ATP2C1: variants seen among roughly 807,000 people sequenced by gnomAD.
ATP2C1 encodes the protein calcium-transporting ATPase type 2C member 1.
A neutral mutation model predicts 120.5 loss-of-function variants in ATP2C1; 31 were observed. The observed-to-expected ratio is 0.26, with a 90% CI of 0.19 to 0.35. The LOEUF is 0.35. Ranked by LOEUF, ATP2C1 falls within the 10% of genes least tolerant of loss-of-function variation. ATP2C1 has a pLI of 1.00. For synonymous variants in ATP2C1, 351 were observed against 358.7 expected, an observed-to-expected ratio of 0.98 and a Z score of 0.24; for missense variants, 731 against 1,107.5, an observed-to-expected ratio of 0.66 and a Z score of 4.83.
chr3:130,990,213 C>T (rs918613291), intron 20 of ATP2C1, among the ~76,000 whole-genome samples: 4 of 150,304 alleles, frequency 2.7e-5, no homozygotes, highest in African/African-American at 7.3e-5. Flanking sequence ...ACAAAAATCT[C>T]TGGCTTCATG....
intron 12 of ATP2C1, among the ~76,000 whole-genome samples, chr3:130,962,431 T>C (rs965298196): frequency 5.9e-5 from 9 of 151,840 alleles, no homozygotes; most frequent in African/African-American, 2.2e-4. Flanking sequence ...TTTTTTGAAA[T>C]CTGAAATCAA....
At position 130,994,237 on chromosome 3, in the gene ATP2C1, C is replaced by G. The variant is rs1348575441; in HGVS notation, c.2057+139C>G. 3 of 980,210 alleles carry G rather than the reference C, an allele frequency of 3.1e-6. No individual in the cohort carries two copies. In the African/African-American group the frequency reaches 4.9e-5, roughly 16 times the overall value. 60.7% of individuals were successfully genotyped at this position (980,210 alleles called of 1,614,324 possible). ...AAACCACTTTTCTAGGGTAATTATCCTATTTTATGGTATGAAGAAGATGAT... is the reference window on the plus strand; with the variant it reads ...AAACCACTTTTCTAGGGTAATTATCGTATTTTATGGTATGAAGAAGATGAT... On this transcript the variant is annotated intron_variant, in intron 22 of 27. Transcript: ENST00000510168.
At position 130,898,936 on chromosome 3, in the gene ATP2C1, A is replaced by T. The variant is rs116308659; in HGVS notation, c.6+4161A>T. On this transcript the variant is annotated intron_variant, in intron 2 of 27. Transcript: ENST00000510168. ...TGTAGCATCTTAAAATATCTTAAGG[A>T]TCAGTTCAAGAGGTCCCCTCACATT... 7.6e-3 allele frequency among the ~76,000 whole-genome samples: 1,152 copies of T among 152,222 alleles called. 17 individuals are homozygous for T. The highest frequency in any genetic ancestry group is 0.026 in the African/African-American group (1,097 of 41,512).
At chr3:130,997,202 T>G (rs1366181847) in intron 24 of ATP2C1, among the ~76,000 whole-genome samples, 1 of 152,108 alleles carries the variant, frequency 6.6e-6, no homozygotes, top group Non-Finnish European at 1.5e-5. Flanking sequence ...TTTAAAAAAT[T>G]TAATAATAAT....
At chr3:130,961,256 T>C (rs2060806851) in intron 12 of ATP2C1, among the ~76,000 whole-genome samples, 1 of 151,796 alleles carries the variant, frequency 6.6e-6, no homozygotes, top group Admixed American at 6.6e-5. Context: ...TTGGGTTTTT[T>C]TTTTTTTGAG....
chr3:130,948,981 C>T lies in ATP2C1; in HGVS notation c.532-4840C>T, dbSNP rs1015927720. 3.9e-4 allele frequency among the ~76,000 whole-genome samples: 60 copies of T among 152,026 alleles called. 1 individual carries two copies. Among genetic ancestry groups the T allele is most frequent in the African/African-American group, 1.4e-3 (57 of 41,376 alleles). ...GCGTGTTTTCTACTGCTGCTCTGCC[C>T]GACTGCTCTTTCCTTCTCCTTGGGC... On this transcript the variant is annotated intron_variant, in intron 8 of 27. Coordinates refer to ENST00000510168, the MANE Select transcript of ATP2C1 (RefSeq NM_001378687.1).
rs1373632440 is a variant in ATP2C1 at position 131,001,332 on chromosome 3, A to C, written c.2742A>C (p.Ser914=). 1 of 1,613,544 alleles carries C rather than the reference A, an allele frequency of 6.2e-7. No individual in the cohort carries two copies. The highest frequency in any genetic ancestry group is 1.1e-5 in the South Asian group (1 of 91,068). The change falls in exon 28 of 28, where the codon TCA becomes TCC. Residue 914 remains serine (S), a synonymous_variant. Coordinates refer to ENST00000510168, the MANE Select transcript of ATP2C1 (RefSeq NM_001378687.1). ...KIQKHVSSTS[S]SFLEV ...AGAAGCATGTTAGTTCGACATCATC[A>C]TCTTTTCTTGAAGTATGATGCATAT...
chr3:130,869,289 G>C (rs1350385854), intron 1 of ATP2C1: 2 of 162,486 alleles, frequency 1.2e-5, no homozygotes, highest in African/African-American at 5.3e-5. Flanking sequence ...CAAACACTGC[G>C]GAAGGCCGCA....
intron 1 of ATP2C1, among the ~76,000 whole-genome samples, chr3:130,864,647 C>T (rs1285090017): frequency 1.3e-5 from 2 of 152,190 alleles, no homozygotes; most frequent in Non-Finnish European, 2.9e-5. Flanking sequence ...GGACTTGGTG[C>T]CCTGTGTTCC....
rs149554579 is a variant in ATP2C1, at chr3:130,992,391, G to A, written c.1840-560G>A. Among the ~76,000 whole-genome samples, 322 of 152,326 alleles carry A rather than the reference G, an allele frequency of 2.1e-3. 4 individuals are homozygous for A. Among genetic ancestry groups the A allele is most frequent in the African/African-American group, 7.2e-3 (301 of 41,572 alleles). On this transcript the variant is annotated intron_variant, in intron 20 of 27. Coordinates refer to ENST00000510168, the MANE Select transcript of ATP2C1 (RefSeq NM_001378687.1). ...ACAGTGAAACGATTTTAGATCAGGAGATGGGGTCAGAAAAAAGGATTAAAT... is the reference window on the plus strand; with the variant it reads ...ACAGTGAAACGATTTTAGATCAGGAAATGGGGTCAGAAAAAAGGATTAAAT...
At chr3:130,865,955 C>CT (rs1331710934) in intron 1 of ATP2C1, among the ~76,000 whole-genome samples, 1 of 151,826 alleles carries the variant, frequency 6.6e-6, no homozygotes. Context: ...ATATATTGAC[C>CT]TTTTTTGCTG....
At position 130,947,527 on chromosome 3, in the gene ATP2C1, A is replaced by G. The variant is rs191126043; in HGVS notation, c.531+5828A>G. On this transcript the variant is annotated intron_variant, in intron 8 of 27. Coordinates refer to ENST00000510168, the MANE Select transcript of ATP2C1 (RefSeq NM_001378687.1). The stretch of plus-strand genomic sequence containing the variant: ...CATTTCATATAAGTAGAATCATACA[A>G]TATGTAGTCTTTTATGTCTGGCCTC... Among the ~76,000 whole-genome samples, 45 of 152,310 alleles carry G rather than the reference A, an allele frequency of 3.0e-4. No individual in the cohort carries two copies. In the East Asian group the frequency reaches 7.1e-3, roughly 24 times the overall value.
At chr3:130,982,815 AAAT>A (rs1247906062) in intron 20 of ATP2C1, among the ~76,000 whole-genome samples, 1 of 152,194 alleles carries the variant, frequency 6.6e-6, no homozygotes, top group Admixed American at 6.5e-5. Flanking sequence ...TAGAAAAATC[AAAT>A]AATATAGAAA....
At chr3:130,940,752 A>G in intron 7 of ATP2C1, 61 bp downstream of exon 7, 1 of 1,212,170 alleles carries the variant, frequency 8.2e-7, no homozygotes, top group Non-Finnish European at 1.2e-6. Flanking sequence ...GAATGTGACT[A>G]GTACCGTACA....
chr3:130,947,095 T>G (rs1428525228), intron 8 of ATP2C1, among the ~76,000 whole-genome samples: 3 of 152,190 alleles, frequency 2.0e-5, no homozygotes, highest in African/African-American at 4.8e-5. Context: ...GTTTTGTCAC[T>G]GTGACACAGA....
At chr3:130,856,145 C>T (rs1363206678) in intron 1 of ATP2C1, 2 of 152,128 alleles carry the variant, frequency 1.3e-5, no homozygotes, top group Non-Finnish European at 2.9e-5. Flanking sequence ...GTTTTGGAAG[C>T]TGTTCTAAAG....
chr3:130,914,602 T>A (rs1250126440), intron 2 of ATP2C1: 1 of 152,300 alleles, frequency 6.6e-6, no homozygotes, highest in East Asian at 1.9e-4. Flanking sequence ...TTTGCCTAGC[T>A]TGGGCTTGAA....
At chr3:130,948,026 A>G in intron 8 of ATP2C1, among the ~76,000 whole-genome samples, 1 of 152,182 alleles carries the variant, frequency 6.6e-6, no homozygotes, top group East Asian at 1.9e-4. Flanking sequence ...GCCCATTAAT[A>G]TAGATTTATA....
chr3:130,888,233 C>G (rs984608062), intron 1 of ATP2C1, among the ~76,000 whole-genome samples: 10 of 152,150 alleles, frequency 6.6e-5, no homozygotes, highest in Non-Finnish European at 1.2e-4. Context: ...TTGCTCTCCT[C>G]TTCATACGCA....
Sources: gnomAD v4.1 joint callset for allele counts (sites outside exome capture counted in the v4.1 genomes callset) on GRCh38, gnomAD v4.1.1 for gene constraint, MANE v1.5 for transcripts, NCBI Gene and HGNC (gene_info 2026-07-23, HGNC 2026-07-21) for gene names.